The following CNTNAP5 variants were observed in gnomAD, a reference collection of about 807,000 sequenced individuals.
CNTNAP5 encodes the protein contactin-associated protein-like 5.
A neutral mutation model predicts 150.2 loss-of-function variants in CNTNAP5; 72 were observed. The observed-to-expected ratio is 0.48, with a 90% CI of 0.40 to 0.58. CNTNAP5 has a LOEUF of 0.58. Among genes scored for constraint, CNTNAP5 ranks in the 20% least tolerant of loss-of-function variants. The pLI, the probability that CNTNAP5 is intolerant of heterozygous loss-of-function variation, is 0.00. For missense variants in CNTNAP5, 1,636 were observed against 1,626.2 expected (o/e 1.01, Z -0.10); for synonymous variants, 672 against 619.8 (o/e 1.08, Z -1.25).
intron 11 of CNTNAP5, 89 bp downstream of exon 11, chr2:124,563,412 G>A (rs1413785629): frequency 2.6e-6 from 2 of 762,052 alleles, no homozygotes. Flanking sequence ...GCATGGGGCA[G>A]GCATGTTTTA....
intron 1 of CNTNAP5, among the ~76,000 whole-genome samples, chr2:124,186,642 ATGTCTCCATGC>A (rs1223477451): frequency 1.2e-4 from 18 of 152,126 alleles, no homozygotes; most frequent in Non-Finnish European, 8.8e-5. Context: ...GAGGGCGGAG[ATGTCTCCATGC>A]TGGCCCTGTT....
chr2:124,293,767 T>C (rs1033506450), intron 3 of CNTNAP5, among the ~76,000 whole-genome samples: 8 of 151,998 alleles, frequency 5.3e-5, no homozygotes, highest in Non-Finnish European at 1.5e-5. Flanking sequence ...CATAATCCTC[T>C]ACAATTGTCC....
chr2:124,154,911 T>C (rs1684486955), intron 1 of CNTNAP5, among the ~76,000 whole-genome samples: 1 of 152,146 alleles, frequency 6.6e-6, no homozygotes, highest in Non-Finnish European at 1.5e-5. Context: ...TCAGAATTTT[T>C]AAAAGCTCAC....
intron 1 of CNTNAP5, among the ~76,000 whole-genome samples, chr2:124,193,475 T>C (rs1304684299): frequency 1.3e-5 from 2 of 152,174 alleles, no homozygotes; most frequent in African/African-American, 4.8e-5. Context: ...GGTTGCTCAA[T>C]AGATGTCTGT....
At chr2:124,316,850 AAAAG>A (rs939764855) in intron 3 of CNTNAP5, among the ~76,000 whole-genome samples, 21 of 151,682 alleles carry the variant, frequency 1.4e-4, no homozygotes, top group South Asian at 4.2e-4. Flanking sequence ...AAAAGAAAAG[AAAAG>A]AAAGAATGGA....
intron 1 of CNTNAP5, among the ~76,000 whole-genome samples, chr2:124,178,406 T>C (rs1416616934): frequency 6.6e-6 from 1 of 152,208 alleles, no homozygotes; most frequent in Admixed American, 6.5e-5. Flanking sequence ...TCCAAGTTCT[T>C]AATATTATCA....
At chr2:124,086,018 T>C (rs1682679983) in intron 1 of CNTNAP5, among the ~76,000 whole-genome samples, 2 of 152,124 alleles carry the variant, frequency 1.3e-5, no homozygotes, top group African/African-American at 4.8e-5. Context: ...TTCTGTAAAC[T>C]TGCTGATATT....
At chr2:124,124,903 T>A (rs963474065) in intron 1 of CNTNAP5, among the ~76,000 whole-genome samples, 6 of 152,100 alleles carry the variant, frequency 3.9e-5, no homozygotes, top group East Asian at 3.9e-4. Context: ...TACAAGAGCT[T>A]CTGAAGGAAG....
At chr2:124,650,826 C>T (rs1678305759) in intron 13 of CNTNAP5, among the ~76,000 whole-genome samples, 1 of 152,164 alleles carries the variant, frequency 6.6e-6, no homozygotes, top group South Asian at 2.1e-4. Flanking sequence ...ATGAACAAAT[C>T]TCCTATTTGG....
At chr2:124,240,878 A>G (rs942886527) in intron 2 of CNTNAP5, among the ~76,000 whole-genome samples, 1 of 152,194 alleles carries the variant, frequency 6.6e-6, no homozygotes, top group African/African-American at 2.4e-5. Context: ...CTGGGGCTCT[A>G]GAAAACTCTC....
chr2:124,753,932 A>C (rs1478223583), intron 14 of CNTNAP5, among the ~76,000 whole-genome samples: 1 of 152,194 alleles, frequency 6.6e-6, no homozygotes, highest in East Asian at 1.9e-4. Context: ...CCTTCAAAAT[A>C]AGCTTTTGTT....
In CNTNAP5 at chr2:124,865,537, A is replaced by G. The variant is rs760522145; in HGVS notation, c.3348+101A>G. 1.9e-5 allele frequency: 21 copies of G among 1,095,204 alleles called. No individual in the cohort carries two copies. In the African/African-American group the frequency reaches 3.0e-4, roughly 16 times the overall value. 67.8% of individuals were successfully genotyped at this position (1,095,204 alleles called of 1,614,324 possible). On this transcript the variant is annotated intron_variant, in intron 20 of 23. Coordinates refer to ENST00000682447, the MANE Select transcript of CNTNAP5 (RefSeq NM_001367498.1). ...ATGCCAGTGTAGTGCCTAGTGCTGG[A>G]AACATAGTTACAAATCACACTTGCC...
At chr2:124,448,249 C>T (rs1472644834) in intron 6 of CNTNAP5, among the ~76,000 whole-genome samples, 1 of 146,346 alleles carries the variant, frequency 6.8e-6, no homozygotes, top group East Asian at 2.1e-4. Context: ...GCCCGGGAGA[C>T]AGAGTCAGAC....
intron 1 of CNTNAP5, among the ~76,000 whole-genome samples, chr2:124,037,817 G>C (rs758692896): frequency 2.0e-5 from 3 of 152,138 alleles, no homozygotes; most frequent in Non-Finnish European, 4.4e-5. Flanking sequence ...GAATTGCTGA[G>C]AGTAAGATTT....
intron 1 of CNTNAP5, among the ~76,000 whole-genome samples, chr2:124,184,058 T>C (rs755595273): frequency 5.9e-5 from 9 of 152,176 alleles, no homozygotes; most frequent in Non-Finnish European, 1.2e-4. Context: ...ATTTGCTAAG[T>C]TGCAACTAGT....
rs138226331 is a variant in CNTNAP5 at position 124,175,265 on chromosome 2, T to C, written c.83-46440T>C. 2.5e-3 allele frequency among the ~76,000 whole-genome samples: 386 copies of C among 152,306 alleles called. 1 individual carries two copies. Among genetic ancestry groups the C allele is most frequent in the African/African-American group, 8.7e-3 (362 of 41,572 alleles). ...TGTATAGAAGCTTACATATATATAA[T>C]TTAGCACCCTACTTTTGTTCAACAT... is the stretch of plus-strand genomic sequence containing the variant. On this transcript the variant is annotated intron_variant, in intron 1 of 23. Coordinates refer to ENST00000682447, the MANE Select transcript of CNTNAP5 (RefSeq NM_001367498.1).
chr2:124,533,645 G>T (rs750231494), intron 10 of CNTNAP5, among the ~76,000 whole-genome samples: 2 of 152,166 alleles, frequency 1.3e-5, no homozygotes, highest in Non-Finnish European at 2.9e-5. Flanking sequence ...CTCCAAAGAG[G>T]TGTTGAAATC....
intron 12 of CNTNAP5, among the ~76,000 whole-genome samples, chr2:124,622,423 A>T (rs1468678082): frequency 6.6e-6 from 1 of 152,160 alleles, no homozygotes; most frequent in Non-Finnish European, 1.5e-5. Context: ...TAATGTTGCA[A>T]TGAACATACA....
At chr2:124,620,317 G>C (rs1677585128) in intron 12 of CNTNAP5, among the ~76,000 whole-genome samples, 1 of 151,978 alleles carries the variant, frequency 6.6e-6, no homozygotes, top group African/African-American at 2.4e-5. Flanking sequence ...ATAACAGTTT[G>C]GGATGTTGGA....
Sources: gnomAD v4.1 joint callset for allele counts (sites outside exome capture counted in the v4.1 genomes callset) on GRCh38, gnomAD v4.1.1 for gene constraint, MANE v1.5 for transcripts, NCBI Gene and HGNC (gene_info 2026-07-23, HGNC 2026-07-21) for gene names.